CTNNA2: variants seen among roughly 807,000 people sequenced by gnomAD.
The protein encoded by CTNNA2 is catenin alpha 2.
Under a neutral mutation model 101.0 loss-of-function variants are expected in CTNNA2, and 42 were observed. The ratio of observed to expected loss-of-function variants is 0.42; its 90% CI spans 0.32 to 0.54. The LOEUF (loss-of-function observed/expected upper bound fraction) is 0.54, where lower values mean the gene tolerates loss of function less well. Among genes scored for constraint, CTNNA2 ranks in the 20% least tolerant of loss-of-function variants. The pLI, the probability that CTNNA2 is intolerant of heterozygous loss-of-function variation, is 0.14. For synonymous variants in CTNNA2, 450 were observed against 456.4 expected, an observed-to-expected ratio of 0.99 and a Z score of 0.18; for missense variants, 871 against 1,223.1, an observed-to-expected ratio of 0.71 and a Z score of 4.29.
At chr2:80,609,134 C>G (rs570319467) in intron 17 of CTNNA2, among the ~76,000 whole-genome samples, 5 of 151,626 alleles carry the variant, frequency 3.3e-5, no homozygotes, top group Non-Finnish European at 7.4e-5. Context: ...AGTTCTTTTC[C>G]CAGTCAGACA....
intron 7 of CTNNA2, among the ~76,000 whole-genome samples, chr2:79,966,955 G>A (rs1011382119): frequency 6.6e-6 from 1 of 151,750 alleles, no homozygotes; most frequent in Admixed American, 6.6e-5. Context: ...TCTAAAATTC[G>A]CAGTGCCTTG....
At chr2:80,545,190 A>G (rs1573212132) in intron 10 of CTNNA2, 116 bp downstream of exon 10, 1 of 923,768 alleles carries the variant, frequency 1.1e-6, no homozygotes, top group East Asian at 2.6e-5. Context: ...CTCATCATTT[A>G]TGAGCTGTTT....
At chr2:79,428,622 C>T (rs766987947) in intron 4 of CTNNA2, among the ~76,000 whole-genome samples, 3 of 151,982 alleles carry the variant, frequency 2.0e-5, no homozygotes, top group Non-Finnish European at 4.4e-5. Context: ...AAAAAAGAAA[C>T]AGGCAAGCTT....
Position 79,866,726 on chromosome 2 carries a change from G to A in CTNNA2, c.466-3090G>A, listed in dbSNP as rs528375816. ...AAGGCATTTTTCCCCCATGCAGCAA[G>A]TTGGTGTCTCTATTTAATGAGCCCC... On this transcript the variant is annotated intron_variant, in intron 4 of 18. Transcript: ENST00000402739. 4.6e-5 allele frequency: 7 copies of A among 152,266 alleles called. No homozygotes were observed. In the East Asian group the frequency reaches 1.3e-3, roughly 29 times the overall value. 9.4% of individuals were successfully genotyped at this position (152,266 alleles called of 1,614,324 possible). A position where few individuals can be genotyped will look rare whatever the true frequency, so the allele number is the denominator to read the frequency against.
chr2:79,676,062 C>T (rs1683164529), intron 2 of CTNNA2, among the ~76,000 whole-genome samples: 2 of 152,144 alleles, frequency 1.3e-5, no homozygotes, highest in African/African-American at 4.8e-5. Context: ...CAGCTGGTCC[C>T]AGCTCTTGGT....
intron 3 of CTNNA2, among the ~76,000 whole-genome samples, chr2:79,840,628 C>A (rs1035235325): frequency 2.0e-5 from 3 of 152,098 alleles, no homozygotes; most frequent in African/African-American, 7.2e-5. Context: ...TTAATGATGG[C>A]ATTTTTTTAA....
chr2:80,406,290 C>T (rs1489605843), intron 8 of CTNNA2, among the ~76,000 whole-genome samples: 1 of 150,134 alleles, frequency 6.7e-6, no homozygotes, highest in Admixed American at 6.6e-5. Context: ...GTCGAGATCG[C>T]GCCACTGCAC....
intron 7 of CTNNA2, among the ~76,000 whole-genome samples, chr2:80,200,402 G>A (rs1366576397): frequency 6.6e-6 from 1 of 152,062 alleles, no homozygotes; most frequent in Non-Finnish European, 1.5e-5. Flanking sequence ...ATTATGCTGT[G>A]TTATGTAATT....
intron 9 of CTNNA2, among the ~76,000 whole-genome samples, chr2:80,443,485 G>C (rs745712673): frequency 3.3e-5 from 5 of 152,122 alleles, no homozygotes; most frequent in Admixed American, 6.5e-5. Flanking sequence ...CATTTCCTTG[G>C]GGGAGACAAA....
chr2:79,519,994 A>G (rs1000658548), intron 1 of CTNNA2, among the ~76,000 whole-genome samples: 14 of 152,228 alleles, frequency 9.2e-5, no homozygotes, highest in Non-Finnish European at 1.6e-4. Flanking sequence ...TAAGGTTAAT[A>G]TTTCTGCCTC....
chr2:79,323,027 G>A (rs1466063241), intron 3 of CTNNA2, among the ~76,000 whole-genome samples: 1 of 152,158 alleles, frequency 6.6e-6, no homozygotes, highest in Non-Finnish European at 1.5e-5. Context: ...ATTTTCCCAT[G>A]CTAGGAATAA....
At position 80,393,211 on chromosome 2, in the gene CTNNA2, A is replaced by G; in HGVS notation, c.1057A>G (p.Thr353Ala). ...QDLLSEYMNN[T>A]GRKEKGDPLN... The stretch of plus-strand genomic sequence containing the variant: ...GAAATTATTTCTCTTTTCTTAATAG[A>G]CTGGAAGGAAAGAAAAAGGAGATCC... Residue 353 changes from threonine to alanine, a missense_variant and splice_region_variant, in exon 8 of 19, where the codon ACT becomes GCT. Transcript: ENST00000402739. The G allele has an allele frequency of 6.2e-7, 1 of 1,604,152 alleles. No individual in the cohort carries two copies. Among genetic ancestry groups the G allele is most frequent in the Non-Finnish European group, 8.5e-7 (1 of 1,174,414 alleles).
At chr2:80,638,004 T>G (rs555740502) in intron 18 of CTNNA2, among the ~76,000 whole-genome samples, 4 of 152,164 alleles carry the variant, frequency 2.6e-5, no homozygotes, top group African/African-American at 9.7e-5. Context: ...TTTAGTGACT[T>G]TGATCCATTT....
intron 1 of CTNNA2, among the ~76,000 whole-genome samples, chr2:79,609,379 C>T (rs1487651241): frequency 1.3e-5 from 2 of 152,020 alleles, no homozygotes; most frequent in Non-Finnish European, 2.9e-5. Flanking sequence ...GTTCACCCTA[C>T]TTCAAATTGA....
intron 9 of CTNNA2, among the ~76,000 whole-genome samples, chr2:80,529,016 G>A (rs918509753): frequency 6.6e-6 from 1 of 152,294 alleles, no homozygotes; most frequent in South Asian, 2.1e-4. Context: ...CAACCAGAAA[G>A]GAACTTGGGA....
chr2:80,518,862 T>A (rs1216123664), intron 9 of CTNNA2, among the ~76,000 whole-genome samples: 1 of 152,212 alleles, frequency 6.6e-6, no homozygotes, highest in African/African-American at 2.4e-5. Context: ...GAACCAAATC[T>A]AAACCTAGTA....
At chr2:79,641,105 C>A (rs1420552528) in intron 1 of CTNNA2, among the ~76,000 whole-genome samples, 1 of 152,068 alleles carries the variant, frequency 6.6e-6, no homozygotes, top group Non-Finnish European at 1.5e-5. Flanking sequence ...AAATAAGATC[C>A]AATAGAGCAG....
At chr2:80,477,257 G>T (rs1344625771) in intron 9 of CTNNA2, among the ~76,000 whole-genome samples, 1 of 152,076 alleles carries the variant, frequency 6.6e-6, no homozygotes, top group African/African-American at 2.4e-5. Context: ...ACTTGTTTTT[G>T]ATTCTGATTA....
At chr2:79,799,048 G>A (rs1675945958) in intron 3 of CTNNA2, among the ~76,000 whole-genome samples, 1 of 152,098 alleles carries the variant, frequency 6.6e-6, no homozygotes, top group Non-Finnish European at 1.5e-5. Context: ...TCTCTGGTGA[G>A]CCCCAGCCCA....
Sources: gnomAD v4.1 joint callset for allele counts (sites outside exome capture counted in the v4.1 genomes callset) on GRCh38, gnomAD v4.1.1 for gene constraint, MANE v1.5 for transcripts, NCBI Gene and HGNC (gene_info 2026-07-23, HGNC 2026-07-21) for gene names.